ASTN2: variants seen among roughly 807,000 people sequenced by gnomAD.
ASTN2 encodes astrotactin-2.
ASTN2 carries 54 observed loss-of-function variants against 139.8 expected under a neutral mutation model. The ratio of observed to expected loss-of-function variants is 0.39; its 90% CI spans 0.31 to 0.48. The LOEUF is 0.48. Among genes scored for constraint, ASTN2 ranks in the 20% least tolerant of loss-of-function variants. The pLI is 0.95. For missense variants in ASTN2, 1,565 were observed against 1,725.1 expected, an observed-to-expected ratio of 0.91 and a Z score of 1.64; for synonymous variants, 756 against 719.5, an observed-to-expected ratio of 1.05 and a Z score of -0.81.
intron 1 of ASTN2, among the ~76,000 whole-genome samples, chr9:117,292,125 G>T (rs1834609993): frequency 1.3e-5 from 2 of 152,086 alleles, no homozygotes; most frequent in Admixed American, 1.3e-4. Flanking sequence ...GGAAATGTTG[G>T]CATAAAGTTT....
chr9:117,188,231 G>A (rs1447853734), intron 3 of ASTN2, among the ~76,000 whole-genome samples: 1 of 151,592 alleles, frequency 6.6e-6, no homozygotes, highest in African/African-American at 2.4e-5. Context: ...CCCCGATCCT[G>A]GTTGAAAGTG....
At chr9:116,515,403 G>GA (rs944086404) in intron 19 of ASTN2, among the ~76,000 whole-genome samples, 46 of 152,146 alleles carry the variant, frequency 3.0e-4, no homozygotes, top group African/African-American at 9.9e-4. Flanking sequence ...TCTTATGATG[G>GA]AAACAAAGGG....
chr9:117,182,908 C>A (rs1205644718), intron 3 of ASTN2, among the ~76,000 whole-genome samples: 2 of 152,018 alleles, frequency 1.3e-5, no homozygotes, highest in Admixed American at 1.3e-4. Context: ...TGAAACATCA[C>A]GTTGGGCCCC....
chr9:116,995,294 A>G (rs1258067657), intron 7 of ASTN2, among the ~76,000 whole-genome samples: 1 of 152,204 alleles, frequency 6.6e-6, no homozygotes, highest in Non-Finnish European at 1.5e-5. Flanking sequence ...GTACTCAGGG[A>G]AAATCTAATG....
intron 6 of ASTN2, among the ~76,000 whole-genome samples, chr9:117,024,803 G>A (rs1188513571): frequency 6.6e-6 from 1 of 152,088 alleles, no homozygotes; most frequent in Non-Finnish European, 1.5e-5. Context: ...ATCTCATCTT[G>A]AACTGTAGCT....
At chr9:116,513,933 C>T (rs1039666607) in intron 19 of ASTN2, among the ~76,000 whole-genome samples, 7 of 151,734 alleles carry the variant, frequency 4.6e-5, no homozygotes, top group African/African-American at 7.3e-5. Context: ...ATCTTCTTTG[C>T]GATGGGTTCG....
chr9:116,445,079 T>C (rs370049553), intron 20 of ASTN2, among the ~76,000 whole-genome samples: 3 of 152,288 alleles, frequency 2.0e-5, no homozygotes, highest in Non-Finnish European at 4.4e-5. Context: ...TCATAGTGCA[T>C]ACACTTCGGC....
chr9:116,880,082 G>A (rs1159133310), intron 10 of ASTN2, among the ~76,000 whole-genome samples: 1 of 151,954 alleles, frequency 6.6e-6, no homozygotes, highest in Non-Finnish European at 1.5e-5. Context: ...AAGCAATAAT[G>A]AGCCAAAAAT....
At chr9:116,775,434 G>C (rs1178212729) in intron 13 of ASTN2, among the ~76,000 whole-genome samples, 1 of 148,230 alleles carries the variant, frequency 6.7e-6, no homozygotes, top group Non-Finnish European at 1.5e-5. Context: ...GAGAGAGGGA[G>C]GGAGGAGAGG....
intron 1 of ASTN2, among the ~76,000 whole-genome samples, chr9:117,355,331 A>T (rs1829509740): frequency 6.6e-6 from 1 of 152,222 alleles, no homozygotes; most frequent in African/African-American, 2.4e-5. Flanking sequence ...GGCTGCTGCA[A>T]GTGAGGACAA....
At chr9:116,937,921 A>G (rs1835123408) in intron 10 of ASTN2, among the ~76,000 whole-genome samples, 1 of 152,182 alleles carries the variant, frequency 6.6e-6, no homozygotes, top group South Asian at 2.1e-4. Flanking sequence ...AAGCTCACAA[A>G]ATATCTGTCA....
chr9:117,177,187 T>A (rs1030282498), intron 3 of ASTN2, among the ~76,000 whole-genome samples: 2 of 152,212 alleles, frequency 1.3e-5, no homozygotes, highest in African/African-American at 2.4e-5. Context: ...TAGAGTGAAC[T>A]ACAATGAGGT....
chr9:116,428,109 G>A lies in ASTN2; in HGVS notation c.3783-2021C>T, dbSNP rs116290678. Among the ~76,000 whole-genome samples, 488 of 152,344 alleles carry A rather than the reference G, an allele frequency of 3.2e-3. 4 individuals carry two copies. Among genetic ancestry groups the A allele is most frequent in the African/African-American group, 1.0e-2 (414 of 41,584 alleles). ...CAAAAGCAATTATAAAAGAAGTCAC[G>A]AGAGCTGTGTGAAGACAGAGGAAGG... On this transcript the variant is annotated intron_variant, in intron 22 of 22. Coordinates refer to ENST00000313400, the MANE Select transcript of ASTN2 (RefSeq NM_001365068.1).
rs563209622 is a variant in ASTN2, at chr9:116,735,872, G to C, written c.2397-2349C>G. Among the ~76,000 whole-genome samples the C allele has an allele frequency of 5.9e-5, 9 of 152,312 alleles. No homozygotes were observed. In the South Asian group the frequency reaches 1.7e-3, roughly 28 times the overall value. On this transcript the variant is annotated intron_variant, in intron 13 of 22. Transcript: ENST00000313400. The stretch of plus-strand genomic sequence containing the variant: ...CAAACCAACCAAATCTCAAGGTTCT[G>C]TTCTGTAAAATGGGGATCATAACAG...
At chr9:117,244,782 GGGATAGAGGGAA>G (rs1833330082) in intron 2 of ASTN2, among the ~76,000 whole-genome samples, 1 of 150,748 alleles carries the variant, frequency 6.6e-6, no homozygotes, top group Non-Finnish European at 1.5e-5. Flanking sequence ...GAGGGAAGGA[GGGATAGAGGGAA>G]GGAGAGAGGG....
chr9:116,531,476 C>A (rs1393599817), intron 19 of ASTN2, among the ~76,000 whole-genome samples: 1 of 152,120 alleles, frequency 6.6e-6, no homozygotes, highest in Non-Finnish European at 1.5e-5. Context: ...ATTAACTCGT[C>A]ATTTATATTA....
chr9:116,846,085 A>G (rs962940955), intron 11 of ASTN2, among the ~76,000 whole-genome samples: 4 of 152,226 alleles, frequency 2.6e-5, no homozygotes, highest in African/African-American at 9.6e-5. Flanking sequence ...CATTATGCTA[A>G]GTGAAATAAG....
chr9:117,206,927 C>T (rs1424318945), intron 3 of ASTN2, among the ~76,000 whole-genome samples: 1 of 152,150 alleles, frequency 6.6e-6, no homozygotes, highest in African/African-American at 2.4e-5. Context: ...CCCTGGCCTG[C>T]CTAATAGTTC....
At chr9:116,498,529 T>C (rs1564319923) in intron 19 of ASTN2, among the ~76,000 whole-genome samples, 1 of 151,446 alleles carries the variant, frequency 6.6e-6, no homozygotes, top group Non-Finnish European at 1.5e-5. Flanking sequence ...GCCCAGGAGA[T>C]CAAGGTTGCA....
Sources: allele counts gnomAD v4.1 joint callset (sites outside exome capture counted in the v4.1 genomes callset), GRCh38; gene constraint gnomAD v4.1.1; transcripts MANE v1.5; gene names NCBI Gene and HGNC (gene_info 2026-07-23, HGNC 2026-07-21).